The following SNTG1 variants were observed in gnomAD, a reference collection of about 807,000 sequenced individuals.
SNTG1 encodes the protein syntrophin gamma 1.
In SNTG1, 39 loss-of-function variants were observed where a neutral mutation model predicts 74.7. The ratio of observed to expected loss-of-function variants is 0.52; its 90% CI spans 0.40 to 0.68. The LOEUF (loss-of-function observed/expected upper bound fraction) is 0.68. Ranked by LOEUF, SNTG1 falls within the 30% of genes least tolerant of loss-of-function variation. SNTG1 has a pLI of 0.00. For missense variants in SNTG1, 685 were observed against 609.5 expected, an observed-to-expected ratio of 1.12 and a Z score of -1.30; for synonymous variants, 254 against 217.1, an observed-to-expected ratio of 1.17 and a Z score of -1.49.
intron 2 of SNTG1, among the ~76,000 whole-genome samples, chr8:50,253,853 A>T (rs930693532): frequency 2.9e-5 from 4 of 140,282 alleles, no homozygotes; most frequent in East Asian, 2.0e-4. Context: ...TGTAGAATCT[A>T]AAAAAAAAAA....
chr8:50,318,567 GA>G (rs1211049195), intron 2 of SNTG1, among the ~76,000 whole-genome samples: 3 of 152,160 alleles, frequency 2.0e-5, no homozygotes, highest in African/African-American at 7.2e-5. Context: ...CCCACGGTAA[GA>G]CTCTGCCCTA....
At chr8:50,045,065 C>T (rs372233541) in intron 1 of SNTG1, among the ~76,000 whole-genome samples, 2 of 152,156 alleles carry the variant, frequency 1.3e-5, no homozygotes, top group South Asian at 2.1e-4. Context: ...TGGTGAGAAA[C>T]AGCTCCCAGT....
At chr8:50,097,727 G>T (rs1164990247) in intron 1 of SNTG1, among the ~76,000 whole-genome samples, 1 of 151,942 alleles carries the variant, frequency 6.6e-6, no homozygotes, top group Non-Finnish European at 1.5e-5. Context: ...AGATTATGAA[G>T]AAAATACAGT....
At chr8:50,418,747 A>C (rs923979815) in intron 4 of SNTG1, among the ~76,000 whole-genome samples, 1 of 152,036 alleles carries the variant, frequency 6.6e-6, no homozygotes, top group African/African-American at 2.4e-5. Flanking sequence ...TTATTCCCCA[A>C]ATTAATTCCC....
At chr8:50,386,250 G>C (rs1005107104) in intron 2 of SNTG1, among the ~76,000 whole-genome samples, 1 of 152,082 alleles carries the variant, frequency 6.6e-6, no homozygotes, top group African/African-American at 2.4e-5. Flanking sequence ...CTAAAACTCC[G>C]CTGGTTACTT....
chr8:50,104,540 G>A (rs150896630), intron 1 of SNTG1, among the ~76,000 whole-genome samples: 37 of 151,936 alleles, frequency 2.4e-4, no homozygotes, highest in Middle Eastern at 3.4e-3. Context: ...TTTTTGAAGC[G>A]TTTTTTTGTG....
In SNTG1 at chr8:50,397,419, A is replaced by C. The variant is rs140226236; in HGVS notation, c.27+3154A>C. Among the ~76,000 whole-genome samples the C allele has an allele frequency of 9.4e-3, 1,425 of 152,300 alleles. 29 individuals are homozygous for C. Among genetic ancestry groups the C allele is most frequent in the African/African-American group, 0.033 (1,352 of 41,560 alleles). On this transcript the variant is annotated intron_variant, in intron 3 of 18. Transcript: ENST00000642720. The stretch of plus-strand genomic sequence containing the variant: ...GCAGGTGGGGCTGTTTTAGGTTTGC[A>C]GCACCAACCTGCAGCTGCTCCCATG...
chr8:50,623,554 G>A (rs757147769), intron 13 of SNTG1, among the ~76,000 whole-genome samples: 2 of 151,960 alleles, frequency 1.3e-5, no homozygotes, highest in Non-Finnish European at 2.9e-5. Context: ...CCATGTCCCT[G>A]TATGTGCCCA....
intron 2 of SNTG1, among the ~76,000 whole-genome samples, chr8:50,268,541 A>G (rs1025849021): frequency 1.9e-4 from 29 of 152,206 alleles, no homozygotes; most frequent in East Asian, 1.2e-3. Context: ...CCTTTAATAA[A>G]TAGCTACAGC....
intron 9 of SNTG1, among the ~76,000 whole-genome samples, chr8:50,522,554 G>T (rs2094188076): frequency 1.3e-5 from 2 of 151,240 alleles, no homozygotes; most frequent in Non-Finnish European, 2.9e-5. Flanking sequence ...CTGAAGCTTG[G>T]AAGGCAGACA....
chr8:50,776,785 T>C (rs920750239), intron 18 of SNTG1, among the ~76,000 whole-genome samples: 2 of 151,904 alleles, frequency 1.3e-5, no homozygotes, highest in African/African-American at 4.8e-5. Flanking sequence ...TATTATAACT[T>C]TACTTTGTTT....
At chr8:49,977,301 C>G (rs1320215444) in intron 1 of SNTG1, among the ~76,000 whole-genome samples, 1 of 151,560 alleles carries the variant, frequency 6.6e-6, no homozygotes, top group African/African-American at 2.4e-5. Context: ...AAAAAAACAA[C>G]AGACAAAGCA....
At chr8:50,733,732 T>A (rs1219495014) in intron 17 of SNTG1, among the ~76,000 whole-genome samples, 1 of 152,026 alleles carries the variant, frequency 6.6e-6, no homozygotes, top group Non-Finnish European at 1.5e-5. Context: ...TGTCTTCTTT[T>A]AAGAAATGTG....
chr8:50,783,497 G>T (rs968991895), intron 18 of SNTG1, among the ~76,000 whole-genome samples: 1 of 152,204 alleles, frequency 6.6e-6, no homozygotes, highest in African/African-American at 2.4e-5. Flanking sequence ...GGGACCCTCC[G>T]AGCCATGTGC....
Position 50,704,726 on chromosome 8 carries a change from A to G in SNTG1, c.1165A>G (p.Thr389Ala), listed in dbSNP as rs1339696478. 6.2e-7 allele frequency: 1 copy of G among 1,613,968 alleles called. No homozygotes were observed. Among genetic ancestry groups the G allele is most frequent in the African/African-American group, 1.3e-5 (1 of 74,906 alleles). The change falls in exon 16 of 19, where the codon ACC becomes GCC. Residue 389 changes from threonine to alanine, a missense_variant. By Grantham distance (58) the Thr-to-Ala change is moderately conservative (BLOSUM62 0). Transcript: ENST00000642720. ...AQWERAFQTATFLEVERIQCK... is the reference protein window; with the variant it reads ...AQWERAFQTAAFLEVERIQCK... ...GTGGGAAAGAGCCTTCCAGACAGCA[A>G]CCTTTCTAGAAGTAGAACGGATACA...
chr8:50,355,950 G>T (rs947514593), intron 2 of SNTG1, among the ~76,000 whole-genome samples: 2 of 152,140 alleles, frequency 1.3e-5, no homozygotes, highest in African/African-American at 4.8e-5. Context: ...GAGTGGCAGG[G>T]AGTTCGTTCA....
chr8:50,064,093 A>G lies in SNTG1; in HGVS notation c.-102-108468A>G, dbSNP rs574026353. Among the ~76,000 whole-genome samples the G allele has an allele frequency of 2.0e-5, 3 of 152,352 alleles. No individual in the cohort carries two copies. In the South Asian group the frequency reaches 6.2e-4, roughly 32 times the overall value. On this transcript the variant is annotated intron_variant, in intron 1 of 18. Transcript: ENST00000642720. ...GGTACCAGCTAACTCTGGGGCTATT[A>G]TAAGATTAAATATGGAAATACACAT...
At chr8:50,334,723 T>C in intron 2 of SNTG1, among the ~76,000 whole-genome samples, 1 of 152,130 alleles carries the variant, frequency 6.6e-6, no homozygotes, top group East Asian at 1.9e-4. Flanking sequence ...AATTTCTTTA[T>C]AAAATAATAA....
At chr8:50,289,413 C>A (rs2088965716) in intron 2 of SNTG1, among the ~76,000 whole-genome samples, 1 of 152,168 alleles carries the variant, frequency 6.6e-6, no homozygotes, top group Admixed American at 6.5e-5. Context: ...ATAACAGCCT[C>A]AGAAAGTGGA....
Sources: gnomAD v4.1 joint callset for allele counts (sites outside exome capture counted in the v4.1 genomes callset) on GRCh38, gnomAD v4.1.1 for gene constraint, MANE v1.5 for transcripts, NCBI Gene and HGNC (gene_info 2026-07-23, HGNC 2026-07-21) for gene names.